The following OSBPL7 variants were observed in gnomAD, a reference collection of about 807,000 sequenced individuals.
OSBPL7 encodes the protein oxysterol binding protein like 7.
In OSBPL7, 66 loss-of-function variants were observed where a neutral mutation model predicts 115.8. The observed-to-expected ratio is 0.57, with a 90% CI of 0.47 to 0.70. The LOEUF (loss-of-function observed/expected upper bound fraction) is 0.70, where lower values mean the gene tolerates loss of function less well. Among genes scored for constraint, OSBPL7 ranks in the 30% least tolerant of loss-of-function variants. The pLI is 0.00. For missense variants in OSBPL7, 902 were observed against 1,125.5 expected (o/e 0.80, Z 2.84); for synonymous variants, 441 against 439.2 (o/e 1.00, Z -0.05).
chr17:47,819,871 T>C, intron 3 of OSBPL7, 89 bp from the exon 4 acceptor site: 1 of 1,608,998 alleles, frequency 6.2e-7, no homozygotes, highest in Non-Finnish European at 8.5e-7. Context: ...GCTTTTCTTT[T>C]CCTTCTCATC....
chr17:47,808,203 G>T lies in OSBPL7; in HGVS notation c.*88C>A. On this transcript the variant is annotated 3_prime_UTR_variant, in exon 23 of 23. Transcript: ENST00000007414. This position sits in a 1 kb window ranked among gnomAD's most constrained non-coding sequence, Gnocchi z 6.1. ...CCTTTGGTCTCAAGGGCAGTGAGGC[G>T]GGGAGCCCGGCCTCACCCATGTGTC... 9.8e-7 allele frequency: 1 copy of T among 1,022,144 alleles called. No homozygotes were observed. The highest frequency in any genetic ancestry group is 1.5e-6 in the Non-Finnish European group (1 of 678,416). 63.3% of individuals were successfully genotyped at this position (1,022,144 alleles called of 1,614,324 possible).
At chr17:47,815,058 T>C (rs17700574) in intron 13 of OSBPL7, 157 bp downstream of exon 13, 317,756 of 977,802 alleles carry the variant, frequency 0.32, 57,674 homozygotes, top group Non-Finnish European at 0.38. Flanking sequence ...ATTTCTGAGC[T>C]GGGCCACACA....
intron 7 of OSBPL7, 85 bp from the exon 8 acceptor site, chr17:47,817,444 G>C (rs1476054220): frequency 1.2e-5 from 11 of 923,610 alleles, no homozygotes; most frequent in Admixed American, 2.6e-5. Context: ...GGCTAGAGTG[G>C]AATGGCGTGA....
chr17:47,808,829 A>G lies in OSBPL7; in HGVS notation c.2297+35T>C, dbSNP rs1278369425. On this transcript the variant is annotated intron_variant, in intron 21 of 22. Transcript: ENST00000007414. This position sits in a 1 kb window ranked among gnomAD's most constrained non-coding sequence, Gnocchi z 6.1. ...CTGTACTCTGTGGAGGGAGTGAACT[A>G]GATGGTTCTAGGCCGGCACCCATCC... 6.2e-7 allele frequency: 1 copy of G among 1,612,584 alleles called. No homozygotes were observed. The highest frequency in any genetic ancestry group is 8.5e-7 in the Non-Finnish European group (1 of 1,178,872).
chr17:47,821,116 C>T (rs1045302218), intron 1 of OSBPL7, among the ~76,000 whole-genome samples: 3 of 152,126 alleles, frequency 2.0e-5, no homozygotes, highest in Admixed American at 6.5e-5. Flanking sequence ...AGGACATGCC[C>T]AGGTCTGCAC....
In OSBPL7 at chr17:47,813,377, C is replaced by A. The variant is rs756002059; in HGVS notation, c.1626G>T (p.Ser542=). 1 of 1,613,820 alleles carries A rather than the reference C, an allele frequency of 6.2e-7. No homozygotes were observed. Among genetic ancestry groups the A allele is most frequent in the African/African-American group, 1.3e-5 (1 of 74,900 alleles). ...CTCGGTGGTATGTGGAGGAGTAGGC[C>A]GAGACAGCAAAGGCTGCGATGTACA... ...RMVYIAAFAV[S]AYSSTYHRAG... Residue 542 remains serine (S), a synonymous_variant, in exon 16 of 23, where the codon TCG becomes TCT. Transcript: ENST00000007414.
At chr17:47,814,445 A>C (rs927579900) in intron 14 of OSBPL7, 76 bp downstream of exon 14, 11 of 1,403,690 alleles carry the variant, frequency 7.8e-6, no homozygotes, top group Admixed American at 5.2e-5. Context: ...TGGCCTTTGC[A>C]TGGGCCTGGG....
At chr17:47,819,581 G>T (rs1325953614) in intron 4 of OSBPL7, 148 bp downstream of exon 4, 6 of 894,938 alleles carry the variant, frequency 6.7e-6, no homozygotes, top group Non-Finnish European at 1.1e-5. Context: ...TATGGCCCAG[G>T]GATGTAACTT....
Position 47,816,175 on chromosome 17 carries a change from G to A in OSBPL7, c.1051C>T (p.Arg351Cys), listed in dbSNP as rs766327885. The A allele has an allele frequency of 4.1e-5, 64 of 1,550,608 alleles. No individual in the cohort carries two copies. Among genetic ancestry groups the A allele is most frequent in the Non-Finnish European group, 4.7e-5 (54 of 1,146,968 alleles). Reference sequence around the variant, plus strand: ...GAGGAGGTGGACAGTGAGTGGAGGCGCCTCTGGCCAGTGGAGGCCTCAGAG... The same window carrying A: ...GAGGAGGTGGACAGTGAGTGGAGGCACCTCTGGCCAGTGGAGGCCTCAGAG... ...GVSEASTGQR[R>C]LHSLSTSSDT... Residue 351 changes from arginine to cysteine, a missense_variant, in exon 12 of 23, where the codon CGC (arginine) becomes TGC (cysteine). This residue lies in a region of OSBPL7 where 667 missense variants were observed against 788.7 expected (regional missense o/e 0.85). Coordinates refer to ENST00000007414, the MANE Select transcript of OSBPL7 (RefSeq NM_145798.3). The surrounding 1 kb of genome is among the most constrained non-coding windows in gnomAD (Gnocchi z 5.8).
At position 47,816,798 on chromosome 17, in the gene OSBPL7, C is replaced by T. The variant is rs1326764089; in HGVS notation, c.777G>A (p.Lys259=). ...ACCTCACCCGTCCAATGGTGTCATCCTTGGCAAAGCTCTGGGTGCACCACA... is the reference window on the plus strand; with the variant it reads ...ACCTCACCCGTCCAATGGTGTCATCTTTGGCAAAGCTCTGGGTGCACCACA... The part of the protein sequence containing the change: ...SRMWCTQSFA[K]DDTIGRVGRL... The change falls in exon 9 of 23, where the codon AAG becomes AAA. Residue 259 remains lysine, a synonymous_variant. Transcript: ENST00000007414. This position sits in a 1 kb window ranked among gnomAD's most constrained non-coding sequence, Gnocchi z 5.8. 6 of 1,614,180 alleles carry T rather than the reference C, an allele frequency of 3.7e-6. No individual in the cohort carries two copies. Among genetic ancestry groups the T allele is most frequent in the Non-Finnish European group, 5.1e-6 (6 of 1,180,036 alleles).
chr17:47,808,928 C>A lies in OSBPL7; in HGVS notation c.2233G>T (p.Glu745Ter). The change falls in exon 21 of 23, where the codon GAG (glutamate) becomes TAG (stop). Residue 745 changes from glutamate (E) to a stop codon, truncating the protein, a stop_gained. Coordinates refer to ENST00000007414, the MANE Select transcript of OSBPL7 (RefSeq NM_145798.3). LOFTEE classifies it high-confidence loss of function. The surrounding 1 kb of genome is among the most constrained non-coding windows in gnomAD (Gnocchi z 6.1). ...GACCGTTTCAGCTCTGCTGTCAGCTCATTCAGCTCCAAGGCAAACTGGGTG... is the reference window on the plus strand; with the variant it reads ...GACCGTTTCAGCTCTGCTGTCAGCTAATTCAGCTCCAAGGCAAACTGGGTG... Reference protein sequence around the residue: ...GFTQFALELNELTAELKRSLP... With the variant: ...GFTQFALELN 6.2e-7 allele frequency: 1 copy of A among 1,614,228 alleles called. No homozygotes were observed. The highest frequency in any genetic ancestry group is 8.5e-7 in the Non-Finnish European group (1 of 1,180,034).
At chr17:47,814,447 G>T in intron 14 of OSBPL7, 74 bp downstream of exon 14, 1 of 1,408,522 alleles carries the variant, frequency 7.1e-7, no homozygotes, top group Non-Finnish European at 9.9e-7. Context: ...GCCTTTGCAT[G>T]GGCCTGGGCC....
At position 47,819,256 on chromosome 17, in the gene OSBPL7, C is replaced by CCTCCCATGTGCAGAACG. The variant is rs1288352225; in HGVS notation, c.256-174_256-158dup. ...CTATCAGTAGAGACTTGTCAATCAT[C>CCTCCCATGTGCAGAACG]CTCCCATGTGCAGAACGCTCCCCTA... On this transcript the variant is annotated intron_variant, in intron 4 of 22. Transcript: ENST00000007414. 1.9e-4 allele frequency: 119 copies of CCTCCCATGTGCAGAACG among 628,754 alleles called. No individual in the cohort carries two copies. In the East Asian group the frequency reaches 3.2e-3, roughly 17 times the overall value. The allele number at this position is 628,754 out of a possible 1,614,324, so 38.9% of individuals were successfully genotyped here. A position where few individuals can be genotyped will look rare whatever the true frequency, so the allele number is the denominator to read the frequency against.
rs759409881 is a variant in OSBPL7, at chr17:47,816,558, C to T, written c.928+5G>A. 1.2e-6 allele frequency: 2 copies of T among 1,609,136 alleles called. No homozygotes were observed. The highest frequency in any genetic ancestry group is 1.7e-6 in the Non-Finnish European group (2 of 1,177,764). ...CCCCACCAGCCCCTCCCAGCAGGCACTTACCCTTCTGGGCCAGGGCCCAGA... is the reference window on the plus strand; with the variant it reads ...CCCCACCAGCCCCTCCCAGCAGGCATTTACCCTTCTGGGCCAGGGCCCAGA... On this transcript the variant is annotated splice_donor_5th_base_variant and intron_variant, in intron 10 of 22. Transcript: ENST00000007414. The surrounding 1 kb of genome is among the most constrained non-coding windows in gnomAD (Gnocchi z 5.8).
At chr17:47,809,564 A>G in intron 18 of OSBPL7, 86 bp from the exon 19 acceptor site, 3 of 1,500,554 alleles carry the variant, frequency 2.0e-6, no homozygotes, top group Non-Finnish European at 2.7e-6. Flanking sequence ...GAAGCAGGTC[A>G]TGTGGGCCTG....
At position 47,818,495 on chromosome 17, in the gene OSBPL7, G is replaced by A. The variant is rs774548738; in HGVS notation, c.480+11C>T. Reference sequence around the variant, plus strand: ...CCACATTACCTGCCCCCACCCCAGGGTCCACCTTACCTTCCGGTGAGCAGT... The same window carrying A: ...CCACATTACCTGCCCCCACCCCAGGATCCACCTTACCTTCCGGTGAGCAGT... On this transcript the variant is annotated intron_variant, in intron 6 of 22. Coordinates refer to ENST00000007414, the MANE Select transcript of OSBPL7 (RefSeq NM_145798.3). 6.3e-7 allele frequency: 1 copy of A among 1,592,438 alleles called. No homozygotes were observed. Among genetic ancestry groups the A allele is most frequent in the Non-Finnish European group, 8.6e-7 (1 of 1,167,526 alleles).
chr17:47,817,697 A>T (rs2033269507), intron 7 of OSBPL7, among the ~76,000 whole-genome samples: 1 of 152,068 alleles, frequency 6.6e-6, no homozygotes, highest in Non-Finnish European at 1.5e-5. Flanking sequence ...AGCCTCAAGG[A>T]CATGACTCTC....
At position 47,808,837 on chromosome 17, in the gene OSBPL7, C is replaced by G. The variant is rs1201997125; in HGVS notation, c.2297+27G>C. On this transcript the variant is annotated intron_variant, in intron 21 of 22. Transcript: ENST00000007414. This position sits in a 1 kb window ranked among gnomAD's most constrained non-coding sequence, Gnocchi z 6.1. ...TGTGGAGGGAGTGAACTAGATGGTT[C>G]TAGGCCGGCACCCATCCGGCACTGA... The G allele has an allele frequency of 6.2e-7, 1 of 1,613,824 alleles. No homozygotes were observed. Among genetic ancestry groups the G allele is most frequent in the Admixed American group, 1.7e-5 (1 of 60,028 alleles).
In OSBPL7 at chr17:47,808,177, C is replaced by T. The variant is rs2143513829; in HGVS notation, c.*114G>A. On this transcript the variant is annotated 3_prime_UTR_variant, in exon 23 of 23. Coordinates refer to ENST00000007414, the MANE Select transcript of OSBPL7 (RefSeq NM_145798.3). This position sits in a 1 kb window ranked among gnomAD's most constrained non-coding sequence, Gnocchi z 6.1. ...AGAGGGGAGGGAGGGCCAGGGCTGC[C>T]CCTTTGGTCTCAAGGGCAGTGAGGC... The T allele has an allele frequency of 3.8e-6, 3 of 781,876 alleles. No homozygotes were observed. In the South Asian group the frequency reaches 4.9e-5, roughly 13 times the overall value. The allele number at this position is 781,876 out of a possible 1,614,324, so 48.4% of individuals were successfully genotyped here.
Sources: gnomAD v4.1 joint callset for allele counts (sites outside exome capture counted in the v4.1 genomes callset) on GRCh38, gnomAD v4.1.1 for gene constraint, gnomAD v4.1.1 regional missense constraint, Gnocchi (gnomAD v3.1) non-coding constraint, MANE v1.5 for transcripts, NCBI Gene and HGNC (gene_info 2026-07-23, HGNC 2026-07-21) for gene names.